Variants in OSBPL8 observed in about 807,000 individuals in gnomAD.
OSBPL8 encodes the protein oxysterol binding protein like 8.
Under a neutral mutation model 125.5 loss-of-function variants are expected in OSBPL8, and 59 were observed. The ratio of observed to expected loss-of-function variants is 0.47; its 90% CI spans 0.38 to 0.58. The LOEUF (loss-of-function observed/expected upper bound fraction) is 0.58, where lower values mean the gene tolerates loss of function less well. OSBPL8 is among the 20% of genes least tolerant of loss of function. The pLI is 0.00. For missense variants in OSBPL8, 758 were observed against 1,047.8 expected (o/e 0.72, Z 3.82); for synonymous variants, 330 against 338.9 (o/e 0.97, Z 0.29).
At chr12:76,441,651 T>G (rs1872194620) in intron 4 of OSBPL8, among the ~76,000 whole-genome samples, 1 of 152,082 alleles carries the variant, frequency 6.6e-6, no homozygotes, top group African/African-American at 2.4e-5. Flanking sequence ...CATTTTTTAA[T>G]GTTATATTAA....
At chr12:76,503,339 C>T (rs1453078954) in intron 1 of OSBPL8, among the ~76,000 whole-genome samples, 2 of 152,128 alleles carry the variant, frequency 1.3e-5, no homozygotes, top group Non-Finnish European at 2.9e-5. Context: ...ATGGTCTTCC[C>T]TCTGTACGTG....
chr12:76,506,782 T>C (rs976701763), intron 1 of OSBPL8, among the ~76,000 whole-genome samples: 3 of 152,182 alleles, frequency 2.0e-5, no homozygotes, highest in Non-Finnish European at 4.4e-5. Context: ...AAAGTATAAG[T>C]ACACCAATCT....
intron 1 of OSBPL8, among the ~76,000 whole-genome samples, chr12:76,502,242 G>C (rs1879978439): frequency 6.6e-6 from 1 of 152,182 alleles, no homozygotes; most frequent in Non-Finnish European, 1.5e-5. Context: ...AGGAATGGAA[G>C]TGACATCATC....
intron 4 of OSBPL8, among the ~76,000 whole-genome samples, chr12:76,415,256 T>G (rs1201307829): frequency 6.6e-6 from 1 of 151,608 alleles, no homozygotes; most frequent in Non-Finnish European, 1.5e-5. Context: ...TTTCCTTTTT[T>G]TTTTTTGAGA....
chr12:76,509,992 A>G lies in OSBPL8; in HGVS notation c.-67-22374T>C, dbSNP rs910238613. On this transcript the variant is annotated intron_variant, in intron 1 of 23. Transcript: ENST00000261183. ...TTCCCAAAAACACTGCCTCTTCCCA[A>G]AAAACTTCGTAAAAAGCCACTTTTC... is the stretch of plus-strand genomic sequence containing the variant. Among the ~76,000 whole-genome samples the G allele has an allele frequency of 3.3e-5, 5 of 152,220 alleles. No individual in the cohort carries two copies. The South Asian group carries it at 8.3e-4, about 25-fold the overall frequency.
chr12:76,545,835 T>G (rs938404017), intron 1 of OSBPL8, among the ~76,000 whole-genome samples: 13 of 152,178 alleles, frequency 8.5e-5, no homozygotes, highest in African/African-American at 2.9e-4. Flanking sequence ...TGAGAAACTA[T>G]GGAGCTAACT....
intron 1 of OSBPL8, among the ~76,000 whole-genome samples, chr12:76,519,560 T>C (rs1473990015): frequency 2.0e-5 from 3 of 152,186 alleles, no homozygotes; most frequent in Admixed American, 6.5e-5. Flanking sequence ...GTACCAATTT[T>C]TTGTATTATA....
Position 76,356,614 on chromosome 12 carries a change from T to C in OSBPL8, c.2537+12A>G. ...GGTCTCAAATGAATAGTCAGTGTCA[T>C]TATATTATTACCTTTTAATTTCTTC... On this transcript the variant is annotated intron_variant, in intron 23 of 23. Coordinates refer to ENST00000261183, the MANE Select transcript of OSBPL8 (RefSeq NM_020841.5). 6.5e-7 allele frequency: 1 copy of C among 1,526,722 alleles called. No homozygotes were observed. The highest frequency in any genetic ancestry group is 1.1e-5 in the South Asian group (1 of 87,400). The allele number at this position is 1,526,722 out of a possible 1,614,324, so 94.6% of individuals were successfully genotyped here.
intron 4 of OSBPL8, among the ~76,000 whole-genome samples, chr12:76,427,381 T>C (rs1870274503): frequency 6.6e-6 from 1 of 152,038 alleles, no homozygotes; most frequent in African/African-American, 2.4e-5. Flanking sequence ...AATTTGATCA[T>C]TTATGTTACA....
intron 5 of OSBPL8, among the ~76,000 whole-genome samples, chr12:76,404,435 G>A (rs986866583): frequency 5.9e-5 from 9 of 152,064 alleles, no homozygotes; most frequent in African/African-American, 2.2e-4. Flanking sequence ...GTTAACTCTT[G>A]AACAACATAG....
At chr12:76,392,278 G>T in intron 10 of OSBPL8, among the ~76,000 whole-genome samples, 1 of 152,298 alleles carries the variant, frequency 6.6e-6, no homozygotes, top group East Asian at 1.9e-4. Context: ...GGAGAAAAGC[G>T]TAAGGAGGAG....
chr12:76,491,521 A>T lies in OSBPL8; in HGVS notation c.-67-3903T>A, dbSNP rs1194123722. ...GGTTGACATTTGGCTCCTTTGATAT[A>T]ATCAATAGAGTAGCCCAAGAGACTA... On this transcript the variant is annotated intron_variant, in intron 1 of 23. Coordinates refer to ENST00000261183, the MANE Select transcript of OSBPL8 (RefSeq NM_020841.5). 1.3e-5 allele frequency among the ~76,000 whole-genome samples: 2 copies of T among 152,208 alleles called. 1 individual carries two copies. Among genetic ancestry groups the T allele is most frequent in the African/African-American group, 4.8e-5 (2 of 41,456 alleles).
chr12:76,419,150 C>T (rs1419305804), intron 4 of OSBPL8, among the ~76,000 whole-genome samples: 2 of 151,724 alleles, frequency 1.3e-5, no homozygotes, highest in Non-Finnish European at 2.9e-5. Context: ...GCAGGTGAAT[C>T]CCTTGAACCT....
intron 1 of OSBPL8, among the ~76,000 whole-genome samples, chr12:76,547,146 T>C (rs997896094): frequency 1.3e-5 from 2 of 152,146 alleles, no homozygotes; most frequent in African/African-American, 2.4e-5. Flanking sequence ...GTCAAAACCA[T>C]AGCTGTAGAA....
chr12:76,548,725 G>A (rs1265196792), intron 1 of OSBPL8, among the ~76,000 whole-genome samples: 1 of 152,012 alleles, frequency 6.6e-6, no homozygotes, highest in African/African-American at 2.4e-5. Flanking sequence ...GCCCCACAAA[G>A]TGCTCTGGCC....
At chr12:76,441,826 T>TA (rs2136663637) in intron 4 of OSBPL8, among the ~76,000 whole-genome samples, 1 of 151,986 alleles carries the variant, frequency 6.6e-6, no homozygotes. Context: ...TGGGGACAAT[T>TA]AATAGGTACA....
rs1951213044 is a variant in OSBPL8, at chr12:76,559,548, A to T, written c.-219T>A. ...GGCAGCTGGGGCGCGAGCCTGGACG[A>T]AGGGCGCTGCCCAGCGGCCGCGGAG... On this transcript the variant is annotated 5_prime_UTR_variant, in exon 1 of 24. Coordinates refer to ENST00000261183, the MANE Select transcript of OSBPL8 (RefSeq NM_020841.5). 1 of 152,212 alleles carries T rather than the reference A, an allele frequency of 6.6e-6. No homozygotes were observed. Among genetic ancestry groups the T allele is most frequent in the Non-Finnish European group, 1.5e-5 (1 of 68,068 alleles). 9.4% of individuals were successfully genotyped at this position (152,212 alleles called of 1,614,324 possible). A position where few individuals can be genotyped will look rare whatever the true frequency, so the allele number is the denominator to read the frequency against.
intron 3 of OSBPL8, among the ~76,000 whole-genome samples, chr12:76,457,676 T>C (rs1328565658): frequency 1.3e-5 from 2 of 152,202 alleles, no homozygotes; most frequent in Non-Finnish European, 2.9e-5. Context: ...GCAGAGTACA[T>C]GATAAAGTCA....
chr12:76,506,972 T>C (rs1271583205), intron 1 of OSBPL8, among the ~76,000 whole-genome samples: 4 of 148,842 alleles, frequency 2.7e-5, no homozygotes, highest in Non-Finnish European at 5.9e-5. Context: ...TTTTAAACAG[T>C]GTATATTGCT....
Sources: gnomAD v4.1 joint callset for allele counts (sites outside exome capture counted in the v4.1 genomes callset) on GRCh38, gnomAD v4.1.1 for gene constraint, MANE v1.5 for transcripts, NCBI Gene and HGNC (gene_info 2026-07-23, HGNC 2026-07-21) for gene names.